The following PCDHGA1 variants were observed in gnomAD, a reference collection of about 807,000 sequenced individuals.
PCDHGA1 encodes the protein protocadherin gamma subfamily A, 1.
PCDHGA1 carries 32 observed loss-of-function variants against 58.0 expected under a neutral mutation model. That is an observed-to-expected ratio of 0.55 (90% CI 0.42 to 0.74). The LOEUF is 0.74. Ranked by LOEUF, PCDHGA1 falls within the 30% of genes least tolerant of loss-of-function variation. PCDHGA1 has a pLI of 0.00. For missense variants in PCDHGA1, 1,205 were observed against 1,182.3 expected, an observed-to-expected ratio of 1.02 and a Z score of -0.28; for synonymous variants, 498 against 501.1, an observed-to-expected ratio of 0.99 and a Z score of 0.08.
chr5:141,419,285 G>A, intron 1 of PCDHGA1: 2 of 1,614,028 alleles, frequency 1.2e-6, no homozygotes, highest in East Asian at 4.5e-5. Context: ...GCAAGTCAGT[G>A]CCTCTGACCC....
chr5:141,336,439 G>T (rs368347833), intron 1 of PCDHGA1, among the ~76,000 whole-genome samples: 2 of 152,170 alleles, frequency 1.3e-5, no homozygotes, highest in East Asian at 3.8e-4. Flanking sequence ...AGAAAACATG[G>T]TGAGTTGGTA....
chr5:141,420,933 T>C (rs1227912236), intron 1 of PCDHGA1: 1 of 375,320 alleles, frequency 2.7e-6, no homozygotes, highest in African/African-American at 2.1e-5. Context: ...GTGAGCGTAA[T>C]CATTTCTTCT....
intron 1 of PCDHGA1, chr5:141,364,424 C>A (rs1029173533): frequency 5.0e-6 from 8 of 1,613,572 alleles, no homozygotes; most frequent in South Asian, 1.1e-5. Context: ...CGGGCAGATC[C>A]GCTACTCGAT....
In PCDHGA1 at chr5:141,511,405, T is replaced by C. The variant is rs1274658643; in HGVS notation, c.*232T>C. The C allele has an allele frequency of 2.2e-5, 21 of 944,066 alleles. No homozygotes were observed. In the East Asian group the frequency reaches 5.8e-4, roughly 26 times the overall value. 58.5% of individuals were successfully genotyped at this position (944,066 alleles called of 1,614,324 possible). On this transcript the variant is annotated 3_prime_UTR_variant, in exon 4 of 4. Transcript: ENST00000517417. ...CGCTGGGAACCCCCATCCAATCAACTGCTGTACCCATGGGGGTAGTGGGGT... is the reference window on the plus strand; with the variant it reads ...CGCTGGGAACCCCCATCCAATCAACCGCTGTACCCATGGGGGTAGTGGGGT...
intron 1 of PCDHGA1, chr5:141,343,942 C>T: frequency 1.7e-6 from 2 of 1,209,822 alleles, no homozygotes. Context: ...GAATTAGGCC[C>T]GTAAAAGACT....
intron 1 of PCDHGA1, chr5:141,399,007 A>G (rs1403288140): frequency 6.2e-7 from 1 of 1,613,948 alleles, no homozygotes. Flanking sequence ...GAATTCAAAG[A>G]GCGGAGAAAT....
At chr5:141,405,047 G>A in intron 1 of PCDHGA1, 4 of 1,613,944 alleles carry the variant, frequency 2.5e-6, no homozygotes, top group Non-Finnish European at 2.5e-6. Context: ...GGCTGTGGCA[G>A]TCGTCTCCTG....
chr5:141,409,213 C>T (rs1379007048), intron 1 of PCDHGA1: 1 of 1,613,994 alleles, frequency 6.2e-7, no homozygotes, highest in Admixed American at 1.7e-5. Context: ...TCATAGAAAT[C>T]CTTGATGAAA....
chr5:141,424,084 A>G, intron 1 of PCDHGA1: 1 of 929,764 alleles, frequency 1.1e-6, no homozygotes, highest in Non-Finnish European at 1.3e-6. Context: ...ATATTCCACC[A>G]TTATTTGCTA....
intron 1 of PCDHGA1, chr5:141,365,416 C>T (rs780113082): frequency 5.0e-6 from 8 of 1,613,930 alleles, no homozygotes; most frequent in Non-Finnish European, 6.8e-6. Context: ...ACTGTCTTCC[C>T]GGAACTGTAA....
In PCDHGA1 at chr5:141,487,107, T is replaced by C. The variant is rs1193091014; in HGVS notation, c.2422-7700T>C. 6.2e-7 allele frequency: 1 copy of C among 1,613,926 alleles called. No individual in the cohort carries two copies. The highest frequency in any genetic ancestry group is 8.5e-7 in the Non-Finnish European group (1 of 1,179,782). On this transcript the variant is annotated intron_variant, in intron 1 of 3. Transcript: ENST00000517417. This position sits in a 1 kb window ranked among gnomAD's most constrained non-coding sequence, Gnocchi z 5.0. ...GACCTCCCACCACAGAAGCTGGTCA[T>C]TGTGGTAAAGGATAGTGGTAGTCCA...
chr5:141,341,065 C>G, intron 1 of PCDHGA1: 1 of 1,614,192 alleles, frequency 6.2e-7, no homozygotes, highest in Non-Finnish European at 8.5e-7. Context: ...TGGCGGTGGC[C>G]GCGGTCTCCT....
At position 141,436,830 on chromosome 5, in the gene PCDHGA1, T is replaced by C. The variant is rs1054296892; in HGVS notation, c.2422-57977T>C. On this transcript the variant is annotated intron_variant, in intron 1 of 3. Coordinates refer to ENST00000517417, the MANE Select transcript of PCDHGA1 (RefSeq NM_018912.3). ...TGACAGCTGGTTTAAAAATCTTAAGTGCCTAGGCACATTCTTGATTGAGAA... is the reference window on the plus strand; with the variant it reads ...TGACAGCTGGTTTAAAAATCTTAAGCGCCTAGGCACATTCTTGATTGAGAA... Among the ~76,000 whole-genome samples, 37 of 152,252 alleles carry C rather than the reference T, an allele frequency of 2.4e-4. 1 individual carries two copies.
chr5:141,503,781 G>A (rs1393561411), intron 2 of PCDHGA1, among the ~76,000 whole-genome samples: 1 of 152,110 alleles, frequency 6.6e-6, no homozygotes, highest in East Asian at 1.9e-4. Flanking sequence ...TTCTTAGGCT[G>A]AGTTCATCTA....
At chr5:141,394,923 T>G in intron 1 of PCDHGA1, 2 of 1,613,816 alleles carry the variant, frequency 1.2e-6, no homozygotes, top group Non-Finnish European at 8.5e-7. Context: ...CTCCTGTGTC[T>G]TCCTCGCCTT....
At position 141,450,007 on chromosome 5, in the gene PCDHGA1, T is replaced by TA. The variant is rs57702245; in HGVS notation, c.2422-44800_2422-44799insA. Among the ~76,000 whole-genome samples the TA allele has an allele frequency of 5.9e-4, 19 of 31,956 alleles. No homozygotes were observed. In the African/African-American group the frequency reaches 7.8e-3, roughly 13 times the overall value. 21.0% of individuals were successfully genotyped at this position (31,956 alleles called of 152,430 possible). A position where few individuals can be genotyped will look rare whatever the true frequency, so the allele number is the denominator to read the frequency against. On this transcript the variant is annotated intron_variant, in intron 1 of 3. Coordinates refer to ENST00000517417, the MANE Select transcript of PCDHGA1 (RefSeq NM_018912.3). Reference sequence around the variant, plus strand: ...ACATTGCATTTAGTTGCCATGTCTCTTTTTTTTTTTTTTTTTTGAGACAGG... The same window carrying TA: ...ACATTGCATTTAGTTGCCATGTCTCTATTTTTTTTTTTTTTTTTGAGACAGG...
Position 141,477,991 on chromosome 5 carries a change from T to C in PCDHGA1, c.2422-16816T>C, listed in dbSNP as rs774877878. On this transcript the variant is annotated intron_variant, in intron 1 of 3. Transcript: ENST00000517417. The surrounding 1 kb of genome is among the most constrained non-coding windows in gnomAD (Gnocchi z 4.9). The stretch of plus-strand genomic sequence containing the variant: ...GCCTTTTTGCCATAGGGCTGCACAC[T>C]GGTCAAATCAGTACTGCCCGTCCAG... 2 of 1,614,134 alleles carry C rather than the reference T, an allele frequency of 1.2e-6. No individual in the cohort carries two copies. Among genetic ancestry groups the C allele is most frequent in the South Asian group, 2.2e-5 (2 of 91,082 alleles).
intron 1 of PCDHGA1, chr5:141,375,488 G>A: frequency 6.2e-7 from 1 of 1,613,976 alleles, no homozygotes; most frequent in East Asian, 2.2e-5. Flanking sequence ...CCCCAGGGGT[G>A]CCTCCATCTT....
Position 141,383,071 on chromosome 5 carries a change from G to C in PCDHGA1, c.2421+49966G>C. ...CAAGGACCTGGGGCTGGAGCCCCGGGAGCTGGCGGAGCGCGGAGTCCGCAT... is the reference window on the plus strand; with the variant it reads ...CAAGGACCTGGGGCTGGAGCCCCGGCAGCTGGCGGAGCGCGGAGTCCGCAT... On this transcript the variant is annotated intron_variant, in intron 1 of 3. Coordinates refer to ENST00000517417, the MANE Select transcript of PCDHGA1 (RefSeq NM_018912.3). The C allele has an allele frequency of 1.9e-6, 3 of 1,613,916 alleles. No homozygotes were observed. The South Asian group carries it at 3.3e-5, about 18-fold the overall frequency.
Sources: allele counts gnomAD v4.1 joint callset (sites outside exome capture counted in the v4.1 genomes callset), GRCh38; gene constraint gnomAD v4.1.1; non-coding constraint Gnocchi (gnomAD v3.1); transcripts MANE v1.5; gene names NCBI Gene and HGNC (gene_info 2026-07-23, HGNC 2026-07-21).